Variants in SCG3 observed in about 807,000 individuals in gnomAD.
SCG3 encodes the protein secretogranin III, also known as secretogranin-3.
In SCG3, 38 loss-of-function variants were observed where a neutral mutation model predicts 56.2. The ratio of observed to expected loss-of-function variants is 0.68; its 90% confidence interval spans 0.52 to 0.89. The LOEUF is 0.89. SCG3 is among the 40% of genes least tolerant of loss of function. The pLI is 0.00. For missense variants in SCG3, 524 were observed against 540.7 expected (o/e 0.97, Z 0.31); for synonymous variants, 176 against 184.2 (o/e 0.96, Z 0.36).
chr15:51,691,019 T>C (rs1257943198), intron 6 of SCG3, among the ~76,000 whole-genome samples: 2 of 152,170 alleles, frequency 1.3e-5, no homozygotes, highest in East Asian at 1.9e-4. Context: ...GAAAGAAACA[T>C]GGTTCTATGA....
At chr15:51,716,087 G>A (rs955616399) in intron 11 of SCG3, among the ~76,000 whole-genome samples, 1 of 152,200 alleles carries the variant, frequency 6.6e-6, no homozygotes, top group Non-Finnish European at 1.5e-5. Flanking sequence ...TCAATCTCGT[G>A]ACCTCCTGAT....
intron 7 of SCG3, among the ~76,000 whole-genome samples, chr15:51,694,577 G>A (rs1386676465): frequency 6.6e-6 from 1 of 152,172 alleles, no homozygotes; most frequent in African/African-American, 2.4e-5. Context: ...TCAAAGAATA[G>A]GGAAAATGGG....
chr15:51,681,884 G>A (rs779042125), intron 1 of SCG3, 47 bp downstream of exon 1: 1 of 1,518,416 alleles, frequency 6.6e-7, no homozygotes. Context: ...ATTTCGCCAC[G>A]AAAAGGTAAA....
intron 5 of SCG3, among the ~76,000 whole-genome samples, chr15:51,689,002 G>C (rs1420045147): frequency 6.6e-6 from 1 of 152,176 alleles, no homozygotes; most frequent in Non-Finnish European, 1.5e-5. Flanking sequence ...AGAACTAACA[G>C]CTTGCATGGT....
intron 10 of SCG3, among the ~76,000 whole-genome samples, chr15:51,710,593 T>C (rs60154994): frequency 0.016 from 2,369 of 152,236 alleles, 70 homozygotes; most frequent in East Asian, 0.11. Context: ...ACCTCTACTT[T>C]ATTTTTCTTT....
At chr15:51,717,249 T>C (rs563186798) in intron 11 of SCG3, among the ~76,000 whole-genome samples, 2 of 151,998 alleles carry the variant, frequency 1.3e-5, no homozygotes, top group South Asian at 4.2e-4. Context: ...GTGCCTGTAG[T>C]CCCAGCTGCT....
chr15:51,688,202 T>G (rs967715677), intron 4 of SCG3, 58 bp from the exon 5 acceptor site: 2 of 1,497,156 alleles, frequency 1.3e-6, no homozygotes, highest in Non-Finnish European at 1.8e-6. Flanking sequence ...AAGTATAATA[T>G]GATGCATGAA....
chr15:51,681,637 T>TGCCCCCCCCCCCCCC lies in SCG3; in HGVS notation c.-119_-118insGCCCCCCCCCCCCCC. ...TGCAGCCGCCCAGTCCCGGCCCCTC[T>TGCCCCCCCCCCCCCC]CCCGCCCCACACCCACCCTCCTGGC... On this transcript the variant is annotated 5_prime_UTR_variant, in exon 1 of 12. Transcript: ENST00000220478. 1 of 582,690 alleles carries TGCCCCCCCCCCCCCC rather than the reference T, an allele frequency of 1.7e-6. No individual in the cohort carries two copies. Among genetic ancestry groups the TGCCCCCCCCCCCCCC allele is most frequent in the East Asian group, 3.6e-5 (1 of 27,556 alleles). 36.1% of individuals were successfully genotyped at this position (582,690 alleles called of 1,614,324 possible). A position where few individuals can be genotyped will look rare whatever the true frequency, so the allele number is the denominator to read the frequency against.
chr15:51,707,576 C>A (rs1157117987), intron 10 of SCG3, among the ~76,000 whole-genome samples: 4 of 152,148 alleles, frequency 2.6e-5, no homozygotes, highest in African/African-American at 9.7e-5. Context: ...TTTTAGAATT[C>A]ACCCCTTGAT....
At chr15:51,696,648 T>A (rs2055305449) in intron 8 of SCG3, among the ~76,000 whole-genome samples, 1 of 152,210 alleles carries the variant, frequency 6.6e-6, no homozygotes, top group African/African-American at 2.4e-5. Context: ...GGCACCAGCA[T>A]CTGCTCGGTG....
At chr15:51,712,108 A>G (rs2055424564) in intron 10 of SCG3, among the ~76,000 whole-genome samples, 1 of 152,158 alleles carries the variant, frequency 6.6e-6, no homozygotes, top group Non-Finnish European at 1.5e-5. Context: ...TCATCTGTAA[A>G]ATGGGGATGA....
chr15:51,693,543 G>A (rs1460934777), intron 7 of SCG3: 1 of 152,164 alleles, frequency 6.6e-6, no homozygotes, highest in African/African-American at 2.4e-5. Context: ...TAATCTGCAA[G>A]GAGGATAATA....
intron 9 of SCG3, among the ~76,000 whole-genome samples, chr15:51,700,260 G>A (rs1232600352): frequency 1.3e-5 from 2 of 152,096 alleles, no homozygotes; most frequent in South Asian, 2.1e-4. Context: ...TCACACTAGC[G>A]AATGTTTTAT....
intron 10 of SCG3, among the ~76,000 whole-genome samples, chr15:51,711,015 GT>G (rs2055417346): frequency 6.6e-6 from 1 of 152,110 alleles, no homozygotes; most frequent in Non-Finnish European, 1.5e-5. Flanking sequence ...TGCAGGGTAG[GT>G]ACATGAGCAG....
rs543653663 is a variant in SCG3, at chr15:51,685,079, T to C, written c.397+1645T>C. Among the ~76,000 whole-genome samples, 25 of 152,358 alleles carry C rather than the reference T, an allele frequency of 1.6e-4. No homozygotes were observed. In the South Asian group the frequency reaches 3.7e-3, roughly 23 times the overall value. Reference sequence around the variant, plus strand: ...AACTGACTATTAAATTGGACTTTCATAGGACATAATAACCTAGGAGTGTTC... The same window carrying C: ...AACTGACTATTAAATTGGACTTTCACAGGACATAATAACCTAGGAGTGTTC... On this transcript the variant is annotated intron_variant, in intron 4 of 11. Transcript: ENST00000220478.
intron 10 of SCG3, among the ~76,000 whole-genome samples, chr15:51,712,352 G>A (rs1015299064): frequency 1.6e-4 from 24 of 152,254 alleles, no homozygotes; most frequent in African/African-American, 5.8e-4. Context: ...GCCTCTTTTT[G>A]TAAGCCATCT....
intron 10 of SCG3, among the ~76,000 whole-genome samples, chr15:51,709,707 T>A (rs1387048744): frequency 3.0e-3 from 67 of 22,020 alleles, no homozygotes; most frequent in African/African-American, 5.0e-3. Context: ...ATATATTTTT[T>A]TTTTTTTTTT....
In SCG3 at chr15:51,710,752, ATTTTT is replaced by A. The variant is rs60536489; in HGVS notation, c.1208-2562_1208-2558del. Among the ~76,000 whole-genome samples, 488 of 105,262 alleles carry A rather than the reference ATTTTT, an allele frequency of 4.6e-3. 3 individuals are homozygous for A. Among genetic ancestry groups the A allele is most frequent in the Middle Eastern group, 0.011 (2 of 188 alleles). The allele number at this position is 105,262 out of a possible 152,430, so 69.1% of individuals were successfully genotyped here. On this transcript the variant is annotated intron_variant, in intron 10 of 11. Transcript: ENST00000220478. ...AGATGCACACCACCATGCCTGGCTA[ATTTTT>A]TTTTTTTTTTTTTTTTTTGGTAGAC...
chr15:51,682,461 G>T, intron 1 of SCG3, 56 bp from the exon 2 acceptor site: 2 of 844,312 alleles, frequency 2.4e-6, no homozygotes, highest in South Asian at 1.7e-5. Context: ...TTAATAAGAG[G>T]CATATTTTGT....
Sources: allele counts gnomAD v4.1 joint callset (sites outside exome capture counted in the v4.1 genomes callset), GRCh38; gene constraint gnomAD v4.1.1; transcripts MANE v1.5; gene names NCBI Gene and HGNC (gene_info 2026-07-23, HGNC 2026-07-21).